The following DRD2 variants were observed in gnomAD, a reference collection of about 807,000 sequenced individuals.
DRD2 encodes D(2) dopamine receptor.
DRD2 carries 8 observed loss-of-function variants against 38.0 expected under a neutral mutation model. The ratio of observed to expected loss-of-function variants is 0.21; its 90% CI spans 0.12 to 0.38. The LOEUF is 0.38. DRD2 is among the 10% of genes least tolerant of loss of function. The pLI is 1.00. For missense variants in DRD2, 403 were observed against 607.7 expected, an observed-to-expected ratio of 0.66 and a Z score of 3.54; for synonymous variants, 230 against 238.6, an observed-to-expected ratio of 0.96 and a Z score of 0.33.
At chr11:113,418,216 C>G in intron 2 of DRD2, 80 bp from the exon 3 acceptor site, 1 of 1,190,764 alleles carries the variant, frequency 8.4e-7, no homozygotes, top group Non-Finnish European at 1.2e-6. Flanking sequence ...CTCCTGGAGC[C>G]GATGAGGCCA....
chr11:113,417,742 G>A (rs368899653), intron 3 of DRD2, among the ~76,000 whole-genome samples: 115 of 152,350 alleles, frequency 7.5e-4, no homozygotes, highest in African/African-American at 2.4e-3. Flanking sequence ...ATGTGCTAGA[G>A]CTAGGGCTTC....
In DRD2 at chr11:113,416,906, G is replaced by A. The variant is rs937598990; in HGVS notation, c.489C>T (p.Ser163=). ...TVMISIVWVL[S]FTISCPLLFG... is the part of the protein sequence containing the mutation. Reference sequence around the variant, plus strand: ...AGAGGAGTGGGCAGGAGATGGTGAAGGACAGGACCCAGACGATGGAGATCA... The same window carrying A: ...AGAGGAGTGGGCAGGAGATGGTGAAAGACAGGACCCAGACGATGGAGATCA... Residue 163 remains serine, a synonymous_variant, in exon 4 of 8, where the codon TCC becomes TCT. Transcript: ENST00000362072. 6.2e-7 allele frequency: 1 copy of A among 1,614,110 alleles called. No individual in the cohort carries two copies. Among genetic ancestry groups the A allele is most frequent in the Non-Finnish European group, 8.5e-7 (1 of 1,180,046 alleles).
At chr11:113,463,505 CT>C (rs34632468) in intron 1 of DRD2, among the ~76,000 whole-genome samples, 40,450 of 152,016 alleles carry the variant, frequency 0.27, 6,418 homozygotes, top group Middle Eastern at 0.4. Context: ...AGGTCCCTTT[CT>C]TTACAGCCTT....
chr11:113,431,747 G>A (rs954245897), intron 1 of DRD2, among the ~76,000 whole-genome samples: 1 of 152,230 alleles, frequency 6.6e-6, no homozygotes, highest in Non-Finnish European at 1.5e-5. Context: ...GGATGTAGAG[G>A]CAGGCACTTC....
At chr11:113,471,788 G>A (rs939085540) in intron 1 of DRD2, among the ~76,000 whole-genome samples, 8 of 152,204 alleles carry the variant, frequency 5.3e-5, no homozygotes, top group African/African-American at 1.9e-4. Context: ...GGAGTCAGGG[G>A]CATCTGGCAT....
chr11:113,446,172 T>G (rs1485412869), intron 1 of DRD2, among the ~76,000 whole-genome samples: 1 of 152,088 alleles, frequency 6.6e-6, no homozygotes, highest in Non-Finnish European at 1.5e-5. Flanking sequence ...CCCTTCCCAC[T>G]CGCCCCTTTC....
chr11:113,414,383 G>A lies in DRD2; in HGVS notation c.802C>T (p.Arg268Trp), dbSNP rs755972288. 6.2e-6 allele frequency: 10 copies of A among 1,614,022 alleles called. No individual in the cohort carries two copies. Among genetic ancestry groups the A allele is most frequent in the African/African-American group, 2.7e-5 (2 of 75,016 alleles). The change falls in exon 6 of 8, where the codon CGG (arginine) becomes TGG (tryptophan). Residue 268 changes from arginine to tryptophan, a missense_variant. Arg to Trp is a moderately radical substitution (Grantham distance 101). Transcript: ENST00000362072. ...KSNGSFPVNR[R>W]RVEAARRAQE... Reference sequence around the variant, plus strand: ...CTGGCCTGAGCACTTACCACTCTCCGCCTGTTCACTGGGAAACTCCCATTA... The same window carrying A: ...CTGGCCTGAGCACTTACCACTCTCCACCTGTTCACTGGGAAACTCCCATTA...
chr11:113,455,731 A>G (rs527929502), intron 1 of DRD2, among the ~76,000 whole-genome samples: 1 of 152,310 alleles, frequency 6.6e-6, no homozygotes, highest in South Asian at 2.1e-4. Flanking sequence ...TAAAACCACA[A>G]TGAGATGTCA....
In DRD2 at chr11:113,451,074, C is replaced by T. The variant is rs4460839; in HGVS notation, c.-32+24002G>A. Among the ~76,000 whole-genome samples the T allele has an allele frequency of 0.78, 118,910 of 152,048 alleles. 49,217 individuals carry two copies. The highest frequency in any genetic ancestry group is 0.94 in the Middle Eastern group (275 of 294). Reference sequence around the variant, plus strand: ...TGGGTCCAGTGGGTCTGTGAACCCACCCTGTAGTTACCTCTCTGGTTCCAG... The same window carrying T: ...TGGGTCCAGTGGGTCTGTGAACCCATCCTGTAGTTACCTCTCTGGTTCCAG... On this transcript the variant is annotated intron_variant, in intron 1 of 7. Transcript: ENST00000362072.
chr11:113,411,229 A>G (rs1950766716), intron 7 of DRD2, among the ~76,000 whole-genome samples: 2 of 151,920 alleles, frequency 1.3e-5, no homozygotes, highest in Non-Finnish European at 2.9e-5. Context: ...AGAAATGGAA[A>G]TATCTACTCT....
chr11:113,410,482 G>A lies in DRD2; in HGVS notation c.*245C>T. On this transcript the variant is annotated 3_prime_UTR_variant, in exon 8 of 8. Coordinates refer to ENST00000362072, the MANE Select transcript of DRD2 (RefSeq NM_000795.4). ...GGAGGTGGGAGGGGGGACTCTATGA[G>A]CTGCCCCTGAGCTGGGGGGCCCAGC... The A allele has an allele frequency of 1.7e-6, 1 of 588,016 alleles. No individual in the cohort carries two copies. Among genetic ancestry groups the A allele is most frequent in the Non-Finnish European group, 3.1e-6 (1 of 327,536 alleles). 36.4% of individuals were successfully genotyped at this position (588,016 alleles called of 1,614,324 possible).
chr11:113,463,901 C>A (rs1419162912), intron 1 of DRD2, among the ~76,000 whole-genome samples: 1 of 151,954 alleles, frequency 6.6e-6, no homozygotes, highest in African/African-American at 2.4e-5. Flanking sequence ...AGAGGTGATA[C>A]CTGGGCTCTG....
chr11:113,434,770 G>C (rs1158103789), intron 1 of DRD2, among the ~76,000 whole-genome samples: 1 of 151,628 alleles, frequency 6.6e-6, no homozygotes, highest in East Asian at 1.9e-4. Context: ...GCAGGCCAAG[G>C]GAGCCATCCC....
chr11:113,425,283 A>G (rs1192733862), intron 1 of DRD2, among the ~76,000 whole-genome samples: 1 of 152,210 alleles, frequency 6.6e-6, no homozygotes, highest in East Asian at 1.9e-4. Context: ...TGTTCAACAG[A>G]CAAACAACTG....
At chr11:113,442,390 G>A (rs561618493) in intron 1 of DRD2, among the ~76,000 whole-genome samples, 37 of 152,304 alleles carry the variant, frequency 2.4e-4, no homozygotes, top group Middle Eastern at 6.8e-3. Flanking sequence ...ATGTTGCTGA[G>A]CTACAAAGGC....
At chr11:113,414,143 C>A in intron 6 of DRD2, 2 of 590,408 alleles carry the variant, frequency 3.4e-6, no homozygotes, top group Non-Finnish European at 3.1e-6. Context: ...ATTTTTATTA[C>A]GTTGGTATGG....
At chr11:113,463,948 A>G (rs768252613) in intron 1 of DRD2, among the ~76,000 whole-genome samples, 1 of 152,196 alleles carries the variant, frequency 6.6e-6, no homozygotes, top group Non-Finnish European at 1.5e-5. Flanking sequence ...TTATAAGTTA[A>G]GGGCTGGAGC....
chr11:113,410,658 G>T lies in DRD2; in HGVS notation c.*69C>A, dbSNP rs201475538. ...ACCCAGGCCTTCCTGCTCACGGTTC[G>T]CAAGGGTGAGGCTGGCCGGCCTGGG... On this transcript the variant is annotated 3_prime_UTR_variant, in exon 8 of 8. Transcript: ENST00000362072. 1.1e-4 allele frequency: 170 copies of T among 1,600,486 alleles called. No homozygotes were observed. Among genetic ancestry groups the T allele is most frequent in the African/African-American group, 9.5e-4 (71 of 74,764 alleles).
intron 1 of DRD2, among the ~76,000 whole-genome samples, chr11:113,451,102 C>T (rs1234624881): frequency 2.6e-5 from 4 of 152,188 alleles, no homozygotes; most frequent in African/African-American, 9.7e-5. Context: ...GGTTCCAGAA[C>T]ACATAATTGG....
Sources: allele counts gnomAD v4.1 joint callset (sites outside exome capture counted in the v4.1 genomes callset), GRCh38; gene constraint gnomAD v4.1.1; transcripts MANE v1.5; gene names NCBI Gene and HGNC (gene_info 2026-07-23, HGNC 2026-07-21).